Variants in GPC5 observed in about 807,000 individuals in gnomAD.
GPC5 encodes glypican-5.
Under a neutral mutation model 53.9 loss-of-function variants are expected in GPC5, and 47 were observed. The observed-to-expected ratio is 0.87, with a 90% CI of 0.69 to 1.11. GPC5 has a LOEUF of 1.11. Ranked by LOEUF, GPC5 falls within the 50% of genes most tolerant of loss-of-function variation. The probability of loss-of-function intolerance (pLI) is 0.00; values close to 1 mark genes in which losing one functional copy is unlikely to be tolerated. For missense variants in GPC5, 748 were observed against 713.1 expected (o/e 1.05, Z -0.56); for synonymous variants, 286 against 263.3 (o/e 1.09, Z -0.84).
chr13:91,990,271 G>C (rs746958912), intron 6 of GPC5, among the ~76,000 whole-genome samples: 1 of 152,176 alleles, frequency 6.6e-6, no homozygotes, highest in Non-Finnish European at 1.5e-5. Flanking sequence ...TGTCAGGAGA[G>C]ACAATTTTGT....
chr13:92,055,128 A>C (rs1046405876), intron 6 of GPC5, among the ~76,000 whole-genome samples: 3 of 152,182 alleles, frequency 2.0e-5, no homozygotes, highest in Non-Finnish European at 4.4e-5. Flanking sequence ...ATTAGAGAAA[A>C]GTCAAACCAG....
intron 7 of GPC5, among the ~76,000 whole-genome samples, chr13:92,432,700 G>T (rs566811920): frequency 6.6e-6 from 1 of 151,856 alleles, no homozygotes; most frequent in Non-Finnish European, 1.5e-5. Flanking sequence ...TTTAGCTTCA[G>T]CAACCTAGTG....
intron 6 of GPC5, among the ~76,000 whole-genome samples, chr13:92,136,391 T>C (rs1262710166): frequency 1.3e-5 from 2 of 151,794 alleles, no homozygotes; most frequent in Non-Finnish European, 2.9e-5. Flanking sequence ...TGATATATTA[T>C]TTAAAGATGG....
chr13:92,517,534 G>A (rs1880843829), intron 7 of GPC5, among the ~76,000 whole-genome samples: 1 of 152,210 alleles, frequency 6.6e-6, no homozygotes, highest in East Asian at 1.9e-4. Context: ...TATATTCGCT[G>A]TTCTGCAGCC....
At chr13:92,054,238 C>A (rs912440567) in intron 6 of GPC5, among the ~76,000 whole-genome samples, 4 of 150,006 alleles carry the variant, frequency 2.7e-5, no homozygotes, top group African/African-American at 4.9e-5. Context: ...CACACACACA[C>A]AAAATAAACA....
chr13:91,708,797 T>C (rs903154321), intron 3 of GPC5, among the ~76,000 whole-genome samples: 1 of 152,208 alleles, frequency 6.6e-6, no homozygotes, highest in African/African-American at 2.4e-5. Context: ...TGTGGGTTTG[T>C]TCTTTCTGTT....
At chr13:92,075,343 C>A (rs2041244348) in intron 6 of GPC5, among the ~76,000 whole-genome samples, 1 of 152,140 alleles carries the variant, frequency 6.6e-6, no homozygotes, top group East Asian at 1.9e-4. Context: ...TAGAGAGGTA[C>A]TCTAACATTA....
chr13:91,660,207 T>C (rs1177109793), intron 2 of GPC5, among the ~76,000 whole-genome samples: 2 of 152,230 alleles, frequency 1.3e-5, no homozygotes, highest in Non-Finnish European at 2.9e-5. Flanking sequence ...TTGGGGCTGA[T>C]TGCTACAGAG....
chr13:92,404,962 T>C (rs1297483694), intron 7 of GPC5, among the ~76,000 whole-genome samples: 2 of 150,304 alleles, frequency 1.3e-5, no homozygotes, highest in African/African-American at 2.5e-5. Flanking sequence ...AGCAAAACAA[T>C]GTATAAGGAA....
At chr13:91,568,857 T>C (rs1005725785) in intron 2 of GPC5, among the ~76,000 whole-genome samples, 4 of 151,936 alleles carry the variant, frequency 2.6e-5, no homozygotes, top group African/African-American at 9.7e-5. Context: ...GTAACAATTC[T>C]TCTACCTCAG....
intron 2 of GPC5, among the ~76,000 whole-genome samples, chr13:91,674,480 C>T (rs342683): frequency 0.19 from 26,775 of 142,594 alleles, 3,787 homozygotes; most frequent in African/African-American, 0.35. Flanking sequence ...TACACACACA[C>T]GCGCATGTGT....
intron 2 of GPC5, among the ~76,000 whole-genome samples, chr13:91,669,416 G>C (rs1210888798): frequency 6.6e-6 from 1 of 152,180 alleles, no homozygotes; most frequent in African/African-American, 2.4e-5. Context: ...ACATTGCTAA[G>C]GGTTGATCAG....
intron 6 of GPC5, among the ~76,000 whole-genome samples, chr13:92,023,066 CTAT>C (rs1279357388): frequency 6.6e-6 from 1 of 151,986 alleles, no homozygotes. Context: ...CTCTCAGTGC[CTAT>C]TATAATACCT....
chr13:92,740,688 A>T (rs1360973770), intron 7 of GPC5, among the ~76,000 whole-genome samples: 1 of 151,978 alleles, frequency 6.6e-6, no homozygotes, highest in East Asian at 1.9e-4. Flanking sequence ...GTTTGGTAGG[A>T]TGTCTACACA....
intron 7 of GPC5, among the ~76,000 whole-genome samples, chr13:92,511,139 A>T (rs1365277666): frequency 6.6e-6 from 1 of 152,172 alleles, no homozygotes; most frequent in East Asian, 1.9e-4. Flanking sequence ...TGGCTTTTAA[A>T]ATTCTTGAAC....
intron 7 of GPC5, among the ~76,000 whole-genome samples, chr13:92,610,786 A>G (rs974671514): frequency 6.6e-6 from 1 of 152,040 alleles, no homozygotes; most frequent in African/African-American, 2.4e-5. Flanking sequence ...TGCCAAGTGA[A>G]GGAGGAAGAG....
At chr13:92,038,683 TAG>T (rs2040917010) in intron 6 of GPC5, among the ~76,000 whole-genome samples, 2 of 139,328 alleles carry the variant, frequency 1.4e-5, no homozygotes, top group African/African-American at 2.5e-5. Flanking sequence ...TATAGATAGA[TAG>T]ATAGATAGAT....
At chr13:92,618,675 T>A (rs1407446180) in intron 7 of GPC5, among the ~76,000 whole-genome samples, 8 of 129,586 alleles carry the variant, frequency 6.2e-5, no homozygotes. Context: ...TAAGAAAATG[T>A]TTAAAAAATG....
chr13:91,506,483 A>T (rs1287710210), intron 2 of GPC5, among the ~76,000 whole-genome samples: 2 of 152,118 alleles, frequency 1.3e-5, no homozygotes, highest in Admixed American at 6.6e-5. Flanking sequence ...TCATCCTATT[A>T]ATGGTATACT....
Sources: gnomAD v4.1 joint callset for allele counts (sites outside exome capture counted in the v4.1 genomes callset) on GRCh38, gnomAD v4.1.1 for gene constraint, MANE v1.5 for transcripts, NCBI Gene and HGNC (gene_info 2026-07-23, HGNC 2026-07-21) for gene names.